DEFB113: variants seen among roughly 807,000 people sequenced by gnomAD.
DEFB113 encodes beta-defensin 113.
Under a neutral mutation model 2.5 loss-of-function variants are expected in DEFB113, and 5 were observed. The ratio of observed to expected loss-of-function variants is 1.99; its 90% CI spans 1.04 to 4.18. The LOEUF (loss-of-function observed/expected upper bound fraction) is 4.18, where lower values mean the gene tolerates loss of function less well. Ranked by LOEUF, DEFB113 falls within the 30% of genes most tolerant of loss-of-function variation. The probability of loss-of-function intolerance (pLI) is 0.00; values close to 1 mark genes in which losing one functional copy is unlikely to be tolerated. For synonymous variants in DEFB113, 42 were observed against 31.6 expected, an observed-to-expected ratio of 1.33 and a Z score of -1.11; for missense variants, 123 against 96.6, an observed-to-expected ratio of 1.27 and a Z score of -1.14.
rs142528514 is a variant in DEFB113, at chr6:49,969,297, G to A, written c.58+271C>T. 7.3e-5 allele frequency among the ~76,000 whole-genome samples: 11 copies of A among 151,102 alleles called. No individual in the cohort carries two copies. In the East Asian group the frequency reaches 2.1e-3, roughly 29 times the overall value. The stretch of plus-strand genomic sequence containing the variant: ...GGTAAAATTGATTTTGAAACAGAAG[G>A]CAGTGGGAAGTATCTAAAAAATTAT... On this transcript the variant is annotated intron_variant, in intron 1 of 1. Coordinates refer to ENST00000398718, the MANE Select transcript of DEFB113 (RefSeq NM_001037729.1).
chr6:49,968,864 G>C lies in DEFB113; in HGVS notation c.62C>G (p.Pro21Arg). Reference protein sequence around the residue: ...VFTVSCGPSVPQKKTREVAER... With the variant: ...VFTVSCGPSVRQKKTREVAER... ...TGCAACTTCTCTTGTTTTTTTCTGT[G>C]GAACTAGGAAAAAGTAGCTATGACC... is the stretch of plus-strand genomic sequence containing the variant. Residue 21 changes from proline to arginine, a missense_variant, in exon 2 of 2, where the codon CCA becomes CGA. Physicochemically the swap from Pro to Arg is moderately radical, Grantham distance 103. Coordinates refer to ENST00000398718, the MANE Select transcript of DEFB113 (RefSeq NM_001037729.1). 6.3e-7 allele frequency: 1 copy of C among 1,593,978 alleles called. No homozygotes were observed. The highest frequency in any genetic ancestry group is 8.5e-7 in the Non-Finnish European group (1 of 1,171,140).
In DEFB113 at chr6:49,969,570, G is replaced by T; in HGVS notation, c.56C>A (p.Ser19Ter). 1 of 1,599,240 alleles carries T rather than the reference G, an allele frequency of 6.3e-7. No individual in the cohort carries two copies. Among genetic ancestry groups the T allele is most frequent in the Non-Finnish European group, 8.6e-7 (1 of 1,169,482 alleles). ...TTTTTTATAATAACAAATATTACCT[G>T]ATGGACCACAAGACACAGTGAAGAC... Reference protein sequence around the residue: ...TFVFTVSCGPSVPQKKTREVA... With the variant: ...TFVFTVSCGP The change falls in exon 1 of 2, where the codon TCA becomes TAA. Residue 19 changes from serine (S) to a stop codon, truncating the protein, a stop_gained and splice_region_variant. Transcript: ENST00000398718. LOFTEE classifies it low-confidence loss of function (END_TRUNC).
Position 49,968,884 on chromosome 6 carries a change from A to G in DEFB113, c.59-17T>C, listed in dbSNP as rs754013264. Reference sequence around the variant, plus strand: ...TCTGTGGAACTAGGAAAAAGTAGCTATGACCATAAGTCCAGATTTAATATC... The same window carrying G: ...TCTGTGGAACTAGGAAAAAGTAGCTGTGACCATAAGTCCAGATTTAATATC... On this transcript the variant is annotated splice_polypyrimidine_tract_variant and intron_variant, in intron 1 of 1. Coordinates refer to ENST00000398718, the MANE Select transcript of DEFB113 (RefSeq NM_001037729.1). 7 of 1,593,444 alleles carry G rather than the reference A, an allele frequency of 4.4e-6. No individual in the cohort carries two copies. The highest frequency in any genetic ancestry group is 6.0e-6 in the Non-Finnish European group (7 of 1,170,758).
Position 49,968,695 on chromosome 6 carries a change from A to G in DEFB113, c.231T>C (p.Ser77=). 6.7e-7 allele frequency: 1 copy of G among 1,495,878 alleles called. No individual in the cohort carries two copies. The highest frequency in any genetic ancestry group is 8.9e-7 in the Non-Finnish European group (1 of 1,119,044). The allele number at this position is 1,495,878 out of a possible 1,614,324, so 92.7% of individuals were successfully genotyped here. A position where few individuals can be genotyped will look rare whatever the true frequency, so the allele number is the denominator to read the frequency against. Residue 77 remains serine, a synonymous_variant, in exon 2 of 2, where the codon AGT becomes AGC. Coordinates refer to ENST00000398718, the MANE Select transcript of DEFB113 (RefSeq NM_001037729.1). ...YQKPIINKIT[S]KLHQK ...TTATAATTTATTTTTGATGGAGTTT[A>G]CTAGTGATTTTGTTAATGATTGGCT...
In DEFB113 at chr6:49,968,779, C is replaced by T. The variant is rs759456897; in HGVS notation, c.147G>A (p.Trp49Ter). Residue 49 changes from tryptophan to a stop codon, truncating the protein, a stop_gained, in exon 2 of 2, where the codon TGG becomes TGA. Coordinates refer to ENST00000398718, the MANE Select transcript of DEFB113 (RefSeq NM_001037729.1). LOFTEE classifies it low-confidence loss of function (END_TRUNC). ...RGACKPECNSWEYVYYYCNVN... is the reference protein window; with the variant it reads ...RGACKPECNS The stretch of plus-strand genomic sequence containing the variant: ...CATTGCAGTAATAATATACATATTC[C>T]CAGCTGTTGCATTCCGGCTTGCAAG... 6.2e-7 allele frequency: 1 copy of T among 1,603,464 alleles called. No individual in the cohort carries two copies. Among genetic ancestry groups the T allele is most frequent in the Non-Finnish European group, 8.5e-7 (1 of 1,174,682 alleles).
intron 1 of DEFB113, among the ~76,000 whole-genome samples, chr6:49,969,085 G>T (rs972641366): frequency 1.2e-4 from 18 of 150,928 alleles, no homozygotes; most frequent in African/African-American, 4.4e-4. Flanking sequence ...TTAATAAATA[G>T]AACATTTTTA....
At chr6:49,969,048 T>G (rs933650995) in intron 1 of DEFB113, among the ~76,000 whole-genome samples, 181 bp from the exon 2 acceptor site, 1 of 151,226 alleles carries the variant, frequency 6.6e-6, no homozygotes, top group African/African-American at 2.4e-5. Flanking sequence ...CAATATTGCT[T>G]TTGTCACCAG....
Position 49,969,603 on chromosome 6 carries a change from A to G in DEFB113, c.23T>C (p.Leu8Pro). The G allele has an allele frequency of 1.9e-6, 3 of 1,607,162 alleles. No individual in the cohort carries two copies. Among genetic ancestry groups the G allele is most frequent in the Non-Finnish European group, 2.6e-6 (3 of 1,175,382 alleles). Residue 8 changes from leucine (L) to proline (P), a missense_variant, in exon 1 of 2, where the codon CTG becomes CCG. Leu to Pro is a moderately conservative substitution (Grantham distance 98). Coordinates refer to ENST00000398718, the MANE Select transcript of DEFB113 (RefSeq NM_001037729.1). MKILCIFLTFVFTVSCGP... is the reference protein window; with the variant it reads MKILCIFPTFVFTVSCGP... ...ACAAGACACAGTGAAGACAAAGGTCAGAAAAATACAAAGTATCTTCATTGC... is the reference window on the plus strand; with the variant it reads ...ACAAGACACAGTGAAGACAAAGGTCGGAAAAATACAAAGTATCTTCATTGC...
rs569927598 is a variant in DEFB113, at chr6:49,969,460, T to C, written c.58+108A>G. 6.3e-5 allele frequency: 48 copies of C among 757,070 alleles called. 1 individual carries two copies. Among genetic ancestry groups the C allele is most frequent in the Non-Finnish European group, 9.7e-5 (46 of 474,880 alleles). 46.9% of individuals were successfully genotyped at this position (757,070 alleles called of 1,614,324 possible). On this transcript the variant is annotated intron_variant, in intron 1 of 1. Coordinates refer to ENST00000398718, the MANE Select transcript of DEFB113 (RefSeq NM_001037729.1). ...TAGAGAAAATTGCCTTATAAGGAGT[T>C]CATATGAAATCTCCTAACAATAATT... is the stretch of plus-strand genomic sequence containing the variant.
Position 49,969,610 on chromosome 6 carries a change from T to G in DEFB113, c.16A>C (p.Ile6Leu), listed in dbSNP as rs202073967. Residue 6 changes from isoleucine to leucine, a missense_variant, in exon 1 of 2, where the codon ATT becomes CTT. By Grantham distance (5) the Ile-to-Leu change is conservative. Transcript: ENST00000398718. The part of the protein sequence containing the change: MKILC[I>L]FLTFVFTVSC... Reference sequence around the variant, plus strand: ...ACAGTGAAGACAAAGGTCAGAAAAATACAAAGTATCTTCATTGCTGATGCA... The same window carrying G: ...ACAGTGAAGACAAAGGTCAGAAAAAGACAAAGTATCTTCATTGCTGATGCA... 21 of 1,606,464 alleles carry G rather than the reference T, an allele frequency of 1.3e-5. No homozygotes were observed. In the Admixed American group the frequency reaches 1.8e-4, roughly 14 times the overall value.
At chr6:49,968,931 A>G (rs1250473151) in intron 1 of DEFB113, 64 bp from the exon 2 acceptor site, 2 of 1,428,562 alleles carry the variant, frequency 1.4e-6, no homozygotes, top group African/African-American at 3.0e-5. Flanking sequence ...AGATGAATAA[A>G]CTCTTTAAAA....
At position 49,968,858 on chromosome 6, in the gene DEFB113, T is replaced by A. The variant is rs774256194; in HGVS notation, c.68A>T (p.Lys23Ile). The A allele has an allele frequency of 6.3e-7, 1 of 1,598,524 alleles. No individual in the cohort carries two copies. The highest frequency in any genetic ancestry group is 1.7e-5 in the Admixed American group (1 of 57,668). Reference sequence around the variant, plus strand: ...TCTCTCTGCAACTTCTCTTGTTTTTTTCTGTGGAACTAGGAAAAAGTAGCT... The same window carrying A: ...TCTCTCTGCAACTTCTCTTGTTTTTATCTGTGGAACTAGGAAAAAGTAGCT... ...TVSCGPSVPQ[K>I]KTREVAERKR... The change falls in exon 2 of 2, where the codon AAA (lysine) becomes ATA (isoleucine). Residue 23 changes from lysine (K) to isoleucine (I), a missense_variant. Physicochemically the swap from Lys to Ile is moderately radical, Grantham distance 102. Transcript: ENST00000398718.
rs369144899 is a variant in DEFB113 at position 49,968,713 on chromosome 6, G to T, written c.213C>A (p.Ile71=). Residue 71 remains isoleucine (I), a synonymous_variant, in exon 2 of 2, where the codon ATC becomes ATA. Coordinates refer to ENST00000398718, the MANE Select transcript of DEFB113 (RefSeq NM_001037729.1). ...GGAGTTTACTAGTGATTTTGTTAAT[G>T]ATTGGCTTTTGGTATTCCCATACCG... ...CCAVWEYQKP[I]INKITSKLHQ... 1.1e-3 allele frequency: 1,686 copies of T among 1,516,432 alleles called. 1 individual carries two copies. The highest frequency in any genetic ancestry group is 1.3e-3 in the Non-Finnish European group (1,517 of 1,127,126). 93.9% of individuals were successfully genotyped at this position (1,516,432 alleles called of 1,614,324 possible).
intron 1 of DEFB113, 138 bp from the exon 2 acceptor site, chr6:49,969,005 C>T: frequency 1.4e-6 from 1 of 716,086 alleles, no homozygotes; most frequent in Non-Finnish European, 2.1e-6. Context: ...ATTTTTCCCT[C>T]TCTCAGCTGG....
At chr6:49,969,335 C>G (rs1286762476) in intron 1 of DEFB113, among the ~76,000 whole-genome samples, 1 of 150,910 alleles carries the variant, frequency 6.6e-6, no homozygotes, top group African/African-American at 2.4e-5. Context: ...TGTCATCACA[C>G]AAAACAACAC....
In DEFB113 at chr6:49,968,930, A is replaced by C. The variant is rs1261232694; in HGVS notation, c.59-63T>G. The C allele has an allele frequency of 3.5e-6, 5 of 1,433,528 alleles. No individual in the cohort carries two copies. The Admixed American group carries it at 8.4e-5, about 24-fold the overall frequency. The allele number at this position is 1,433,528 out of a possible 1,614,324, so 88.8% of individuals were successfully genotyped here. A position where few individuals can be genotyped will look rare whatever the true frequency, so the allele number is the denominator to read the frequency against. ...ATATCCTTAGATACAGAGATGAATA[A>C]ACTCTTTAAAATGTAGAGTTAAACC... On this transcript the variant is annotated intron_variant, in intron 1 of 1. Transcript: ENST00000398718.
intron 1 of DEFB113, among the ~76,000 whole-genome samples, chr6:49,969,346 A>G (rs1296888285): frequency 6.6e-6 from 1 of 151,214 alleles, no homozygotes; most frequent in Non-Finnish European, 1.5e-5. Flanking sequence ...AAAACAACAC[A>G]ATAAATAAAT....
At position 49,969,496 on chromosome 6, in the gene DEFB113, T is replaced by C; in HGVS notation, c.58+72A>G. On this transcript the variant is annotated intron_variant, in intron 1 of 1. Transcript: ENST00000398718. Reference sequence around the variant, plus strand: ...CTCCTAACAATAATTTATTTGTTTTTATTATTTTCAGAGTAAAGCATTTAT... The same window carrying C: ...CTCCTAACAATAATTTATTTGTTTTCATTATTTTCAGAGTAAAGCATTTAT... 2.7e-6 allele frequency: 3 copies of C among 1,112,994 alleles called. No individual in the cohort carries two copies. The South Asian group carries it at 4.4e-5, about 16-fold the overall frequency. The allele number at this position is 1,112,994 out of a possible 1,614,324, so 68.9% of individuals were successfully genotyped here. A position where few individuals can be genotyped will look rare whatever the true frequency, so the allele number is the denominator to read the frequency against.
At chr6:49,969,114 G>C (rs899332580) in intron 1 of DEFB113, among the ~76,000 whole-genome samples, 1 of 150,936 alleles carries the variant, frequency 6.6e-6, no homozygotes, top group African/African-American at 2.4e-5. Context: ...ATTTGTGTGT[G>C]CTTCCTCAAG....
Sources: gnomAD v4.1 joint callset for allele counts (sites outside exome capture counted in the v4.1 genomes callset) on GRCh38, gnomAD v4.1.1 for gene constraint, MANE v1.5 for transcripts, NCBI Gene and HGNC (gene_info 2026-07-23, HGNC 2026-07-21) for gene names.